SHLD1: variants seen among roughly 807,000 people sequenced by gnomAD.
SHLD1 encodes RINN1-REV7-interacting novel NHEJ regulator 3.
Under a neutral mutation model 5.5 loss-of-function variants are expected in SHLD1, and 3 were observed. The ratio of observed to expected loss-of-function variants is 0.54; its 90% CI spans 0.25 to 1.40. SHLD1 has a LOEUF of 1.40. Among genes scored for constraint, SHLD1 ranks in the 40% most tolerant of loss-of-function variants. SHLD1 has a pLI of 0.15. For synonymous variants in SHLD1, 92 were observed against 94.3 expected (o/e 0.98, Z 0.14); for missense variants, 210 against 244.4 (o/e 0.86, Z 0.94).
At chr20:5,828,168 A>G (rs1294717) in intron 2 of SHLD1, among the ~76,000 whole-genome samples, 90,694 of 152,012 alleles carry the variant, frequency 0.6, 30,972 homozygotes, top group Non-Finnish European at 0.77. Context: ...AGTCACTGTC[A>G]TCTCCTCTGG....
chr20:5,797,330 T>G (rs115600801), intron 2 of SHLD1, among the ~76,000 whole-genome samples: 2,048 of 151,890 alleles, frequency 0.013, 40 homozygotes, highest in African/African-American at 0.047. Flanking sequence ...GGAGCCTGAG[T>G]TAGGAGGATG....
At chr20:5,821,919 A>G (rs1168690742) in intron 2 of SHLD1, among the ~76,000 whole-genome samples, 1 of 152,114 alleles carries the variant, frequency 6.6e-6, no homozygotes, top group Non-Finnish European at 1.5e-5. Context: ...ATCTCATCTC[A>G]GACATGATGG....
chr20:5,824,529 T>G (rs1003781352), intron 2 of SHLD1, among the ~76,000 whole-genome samples: 35 of 152,184 alleles, frequency 2.3e-4, no homozygotes, highest in Non-Finnish European at 4.1e-4. Context: ...AAGCCTGGCA[T>G]ACAGTAGCTG....
intron 2 of SHLD1, among the ~76,000 whole-genome samples, chr20:5,833,556 A>G (rs2087754619): frequency 1.3e-5 from 2 of 151,918 alleles, no homozygotes; most frequent in African/African-American, 4.8e-5. Context: ...TTATGTTGCT[A>G]TAAATTACTG....
intron 1 of SHLD1, among the ~76,000 whole-genome samples, chr20:5,750,837 T>TA (rs369569631): frequency 0.019 from 2,944 of 151,414 alleles, 110 homozygotes; most frequent in African/African-American, 0.068. Context: ...ATTTAAAGCG[T>TA]AAAAAAAAAT....
chr20:5,816,270 T>C (rs1008195436), intron 2 of SHLD1, among the ~76,000 whole-genome samples: 2 of 152,318 alleles, frequency 1.3e-5, no homozygotes, highest in Admixed American at 6.5e-5. Context: ...AGACACATTT[T>C]CCTTGAATGA....
chr20:5,837,736 G>A (rs1029830950), intron 2 of SHLD1, among the ~76,000 whole-genome samples: 2 of 152,044 alleles, frequency 1.3e-5, no homozygotes, highest in African/African-American at 4.8e-5. Flanking sequence ...TATGAACAGT[G>A]GATTAACAAC....
At chr20:5,764,192 T>A (rs1484951070) in intron 1 of SHLD1, among the ~76,000 whole-genome samples, 2 of 56,074 alleles carry the variant, frequency 3.6e-5, no homozygotes, top group East Asian at 5.5e-4. Flanking sequence ...ATATATATAT[T>A]TTATATATAT....
intron 2 of SHLD1, among the ~76,000 whole-genome samples, chr20:5,781,330 C>T (rs1031258460): frequency 3.3e-5 from 5 of 151,982 alleles, no homozygotes; most frequent in Admixed American, 6.6e-5. Context: ...CCCAGGAGTT[C>T]GAGGCTACAG....
At chr20:5,862,366 C>G (rs2088174798) in intron 2 of SHLD1, among the ~76,000 whole-genome samples, 1 of 152,234 alleles carries the variant, frequency 6.6e-6, no homozygotes, top group South Asian at 2.1e-4. Flanking sequence ...TGGTGCCCAG[C>G]TGAGGAGTAG....
At chr20:5,856,081 T>C (rs1392268199) in intron 2 of SHLD1, among the ~76,000 whole-genome samples, 1 of 152,248 alleles carries the variant, frequency 6.6e-6, no homozygotes, top group African/African-American at 2.4e-5. Flanking sequence ...CACAGATCTC[T>C]GGGTAATGAG....
intron 2 of SHLD1, among the ~76,000 whole-genome samples, chr20:5,821,265 C>A (rs186316881): frequency 6.6e-6 from 1 of 152,190 alleles, no homozygotes; most frequent in South Asian, 2.1e-4. Context: ...ATAATCCCAG[C>A]ACTTTGGGAG....
At chr20:5,833,887 A>G (rs1368203004) in intron 2 of SHLD1, among the ~76,000 whole-genome samples, 1 of 152,138 alleles carries the variant, frequency 6.6e-6, no homozygotes, top group African/African-American at 2.4e-5. Flanking sequence ...TGTCATTTCC[A>G]TTTGCTCTAA....
chr20:5,755,984 A>T (rs1984070523), intron 1 of SHLD1, among the ~76,000 whole-genome samples: 1 of 152,194 alleles, frequency 6.6e-6, no homozygotes, highest in South Asian at 2.1e-4. Flanking sequence ...GCCTGCAGTC[A>T]TGTGATGCTA....
At chr20:5,860,732 A>G (rs942264758) in intron 2 of SHLD1, among the ~76,000 whole-genome samples, 4 of 152,042 alleles carry the variant, frequency 2.6e-5, no homozygotes, top group Non-Finnish European at 5.9e-5. Context: ...CTTCTATGCC[A>G]TCAGAACAAG....
chr20:5,765,406 C>T (rs571105500), intron 1 of SHLD1, among the ~76,000 whole-genome samples: 17 of 151,888 alleles, frequency 1.1e-4, no homozygotes, highest in Non-Finnish European at 1.8e-4. Context: ...TCACCACACC[C>T]GGCTAATTTT....
At chr20:5,785,115 A>G (rs2087041759) in intron 2 of SHLD1, among the ~76,000 whole-genome samples, 1 of 152,134 alleles carries the variant, frequency 6.6e-6, no homozygotes, top group South Asian at 2.1e-4. Context: ...GTCAATCCCA[A>G]AGACCGTAGG....
At chr20:5,773,357 A>T (rs1600107241) in intron 2 of SHLD1, 2 of 545,264 alleles carry the variant, frequency 3.7e-6, no homozygotes, top group South Asian at 2.4e-5. Context: ...AGAGAGTGGA[A>T]TTTTTTTTTG....
chr20:5,802,539 TGTAA>T (rs2087308993), intron 2 of SHLD1, among the ~76,000 whole-genome samples: 1 of 152,210 alleles, frequency 6.6e-6, no homozygotes, highest in African/African-American at 2.4e-5. Flanking sequence ...CCTGGTGCTT[TGTAA>T]GTGTCTGATC....
Sources: gnomAD v4.1 joint callset for allele counts (sites outside exome capture counted in the v4.1 genomes callset) on GRCh38, gnomAD v4.1.1 for gene constraint, MANE v1.5 for transcripts, NCBI Gene and HGNC (gene_info 2026-07-23, HGNC 2026-07-21) for gene names.